Variants in THSD7B observed in about 807,000 individuals in gnomAD.
THSD7B encodes the protein thrombospondin type-1 domain-containing protein 7B.
THSD7B carries 138 observed loss-of-function variants against 213.6 expected under a neutral mutation model. That is an observed-to-expected ratio of 0.65 (90% CI 0.56 to 0.74). The LOEUF (loss-of-function observed/expected upper bound fraction) is 0.74. Among genes scored for constraint, THSD7B ranks in the 30% least tolerant of loss-of-function variants. THSD7B has a pLI of 0.00. For synonymous variants in THSD7B, 742 were observed against 687.0 expected (o/e 1.08, Z -1.25); for missense variants, 1,931 against 1,991.5 (o/e 0.97, Z 0.58).
chr2:136,822,883 A>G (rs1682588169), intron 1 of THSD7B, among the ~76,000 whole-genome samples: 1 of 152,210 alleles, frequency 6.6e-6, no homozygotes, highest in Non-Finnish European at 1.5e-5. Flanking sequence ...AAAGTAGGCT[A>G]GATTTAGCCC....
At chr2:136,937,773 G>C (rs1029855954) in intron 2 of THSD7B, among the ~76,000 whole-genome samples, 1 of 152,150 alleles carries the variant, frequency 6.6e-6, no homozygotes, top group African/African-American at 2.4e-5. Context: ...TAGATGTAGC[G>C]TGGGTACTTT....
At chr2:137,558,324 G>T (rs1681028652) in intron 15 of THSD7B, among the ~76,000 whole-genome samples, 2 of 152,088 alleles carry the variant, frequency 1.3e-5, no homozygotes, top group Admixed American at 1.3e-4. Flanking sequence ...ATAAAATACT[G>T]GCAAACTGAA....
rs550568382 is a variant in THSD7B, at chr2:136,859,494, G to A, written c.-35-22650G>A. ...GATGTGCTAATAGATCATAACTATA[G>A]TAACCAAGAGTTAAGGAACAGGCTA... On this transcript the variant is annotated intron_variant, in intron 1 of 27. Transcript: ENST00000409968. 2.0e-5 allele frequency among the ~76,000 whole-genome samples: 3 copies of A among 152,292 alleles called. No homozygotes were observed. In the East Asian group the frequency reaches 5.8e-4, roughly 29 times the overall value.
intron 2 of THSD7B, among the ~76,000 whole-genome samples, chr2:136,943,123 A>G (rs1417506385): frequency 6.6e-6 from 1 of 152,206 alleles, no homozygotes; most frequent in Non-Finnish European, 1.5e-5. Flanking sequence ...CCTTTTCTGC[A>G]TCTACTGAGA....
At chr2:137,146,413 A>G (rs1679703340) in intron 5 of THSD7B, among the ~76,000 whole-genome samples, 1 of 152,144 alleles carries the variant, frequency 6.6e-6, no homozygotes, top group Non-Finnish European at 1.5e-5. Flanking sequence ...AACTAGTATC[A>G]CACTCTCTGA....
At chr2:136,853,489 G>A (rs188486541) in intron 1 of THSD7B, among the ~76,000 whole-genome samples, 2 of 152,218 alleles carry the variant, frequency 1.3e-5, no homozygotes, top group East Asian at 3.9e-4. Flanking sequence ...TGCTATTCTT[G>A]TTGCTTAATC....
At chr2:136,923,586 G>C (rs1034756456) in intron 2 of THSD7B, among the ~76,000 whole-genome samples, 4 of 151,980 alleles carry the variant, frequency 2.6e-5, no homozygotes, top group African/African-American at 4.8e-5. Context: ...ATCATACAAG[G>C]GTTCCAATTT....
intron 10 of THSD7B, among the ~76,000 whole-genome samples, chr2:137,249,766 T>A (rs76234497): frequency 0.028 from 4,214 of 152,324 alleles, 111 homozygotes; most frequent in Middle Eastern, 0.095. Context: ...AGGGCTTATC[T>A]GTTTTTATCC....
intron 2 of THSD7B, among the ~76,000 whole-genome samples, chr2:136,983,750 C>T (rs1476970893): frequency 5.3e-5 from 8 of 152,114 alleles, no homozygotes; most frequent in East Asian, 1.9e-4. Flanking sequence ...AAATGTGCCA[C>T]GTTGGAGTGA....
chr2:136,867,815 A>T (rs56260128), intron 1 of THSD7B, among the ~76,000 whole-genome samples: 10,494 of 152,262 alleles, frequency 0.069, 977 homozygotes, highest in African/African-American at 0.2. Flanking sequence ...TCTCTGGGAG[A>T]AATTGCTCCT....
chr2:137,428,937 C>T (rs1049689864), intron 14 of THSD7B, among the ~76,000 whole-genome samples: 1 of 152,118 alleles, frequency 6.6e-6, no homozygotes, highest in Non-Finnish European at 1.5e-5. Context: ...CTTTTTTCCC[C>T]TTCTGCTGTG....
In THSD7B at chr2:137,183,505, A is replaced by G. The variant is rs562182073; in HGVS notation, c.1723+12567A>G. Among the ~76,000 whole-genome samples, 5 of 152,282 alleles carry G rather than the reference A, an allele frequency of 3.3e-5. No homozygotes were observed. In the South Asian group the frequency reaches 1.0e-3, roughly 32 times the overall value. On this transcript the variant is annotated intron_variant, in intron 7 of 27. Transcript: ENST00000409968. ...ACAAATCATGATTGTAAAAAGTTAG[A>G]ATATTTGAACTGGAAGGTGCAGGCA...
chr2:137,358,162 GT>G (rs1685175428), intron 12 of THSD7B, among the ~76,000 whole-genome samples: 1 of 152,134 alleles, frequency 6.6e-6, no homozygotes, highest in African/African-American at 2.4e-5. Flanking sequence ...CTTTTGCAGG[GT>G]GGAAGACTAG....
intron 12 of THSD7B, among the ~76,000 whole-genome samples, chr2:137,331,594 G>A (rs577880416): frequency 1.3e-5 from 2 of 152,368 alleles, no homozygotes; most frequent in East Asian, 3.9e-4. Context: ...TGCCAGTCCT[G>A]TGCCATGTGC....
At chr2:137,573,063 TA>T (rs201536777) in intron 17 of THSD7B, among the ~76,000 whole-genome samples, 35,009 of 142,320 alleles carry the variant, frequency 0.25, 4,150 homozygotes, top group South Asian at 0.37. Flanking sequence ...AAAAATACCT[TA>T]AAAAAAAAAA....
intron 5 of THSD7B, among the ~76,000 whole-genome samples, chr2:137,132,168 T>A (rs887166742): frequency 6.6e-6 from 1 of 151,122 alleles, no homozygotes; most frequent in Non-Finnish European, 1.5e-5. Flanking sequence ...CACTCATGAT[T>A]TGGCTCTCTG....
chr2:137,227,189 T>C (rs1366943374), intron 7 of THSD7B, among the ~76,000 whole-genome samples: 1 of 152,186 alleles, frequency 6.6e-6, no homozygotes, highest in African/African-American at 2.4e-5. Flanking sequence ...AAACAGTTAA[T>C]TTTATGTTAT....
At chr2:137,342,030 T>C (rs1167225202) in intron 12 of THSD7B, among the ~76,000 whole-genome samples, 1 of 151,684 alleles carries the variant, frequency 6.6e-6, no homozygotes, top group African/African-American at 2.4e-5. Flanking sequence ...CTATATGAAA[T>C]GACATTGACA....
chr2:137,285,575 G>A (rs1306887946), intron 12 of THSD7B, among the ~76,000 whole-genome samples: 1 of 147,910 alleles, frequency 6.8e-6, no homozygotes, highest in East Asian at 2.2e-4. Context: ...GCTTCCTTCA[G>A]GAGCTCTTTT....
Sources: allele counts gnomAD v4.1 joint callset (sites outside exome capture counted in the v4.1 genomes callset), GRCh38; gene constraint gnomAD v4.1.1; transcripts MANE v1.5; gene names NCBI Gene and HGNC (gene_info 2026-07-23, HGNC 2026-07-21).